TCOF1: variants seen among roughly 807,000 people sequenced by gnomAD.
The protein encoded by TCOF1 is treacle ribosome biogenesis factor 1.
A neutral mutation model predicts 149.0 loss-of-function variants in TCOF1; 33 were observed. The observed-to-expected ratio is 0.22, with a 90% CI of 0.17 to 0.30. The LOEUF is 0.30. TCOF1 is among the 10% of genes least tolerant of loss of function. The pLI, the probability that TCOF1 is intolerant of heterozygous loss-of-function variation, is 1.00. For synonymous variants in TCOF1, 789 were observed against 738.8 expected (o/e 1.07, Z -1.10); for missense variants, 1,728 against 1,840.7 (o/e 0.94, Z 1.12).
Position 150,376,093 on chromosome 5 carries a change from T to C in TCOF1, c.1905T>C (p.Ala635=). ...AAMTAAQAKP[A]LKIPQTKACP... ...TGGTGTCCCCTCAGGCAAAACCAGC[T>C]CTGAAAATTCCTCAGACCAAGGCCT... The change falls in exon 13 of 27, where the codon GCT becomes GCC. Residue 635 remains alanine (A), a synonymous_variant. Transcript: ENST00000643257. The C allele has an allele frequency of 6.2e-7, 1 of 1,614,206 alleles. No individual in the cohort carries two copies. The highest frequency in any genetic ancestry group is 8.5e-7 in the Non-Finnish European group (1 of 1,180,026).
chr5:150,374,515 C>T (rs1763267159), intron 8 of TCOF1, 102 bp from the exon 9 acceptor site: 1 of 1,580,140 alleles, frequency 6.3e-7, no homozygotes, highest in South Asian at 1.1e-5. Flanking sequence ...TCCCCTCTCA[C>T]TGTGTGGCAT....
At chr5:150,370,227 T>C (rs1453387810) in intron 6 of TCOF1, among the ~76,000 whole-genome samples, 3 of 152,290 alleles carry the variant, frequency 2.0e-5, no homozygotes, top group East Asian at 1.9e-4. Flanking sequence ...AGATATTTAA[T>C]TGGTGATGGC....
intron 24 of TCOF1, 66 bp downstream of exon 24, chr5:150,396,908 C>A: frequency 6.5e-7 from 1 of 1,527,458 alleles, no homozygotes; most frequent in South Asian, 1.2e-5. Context: ...CGGGAGGGAC[C>A]CTCAGCCAGC....
At chr5:150,365,982 A>G (rs1184101409) in intron 3 of TCOF1, among the ~76,000 whole-genome samples, 1 of 151,878 alleles carries the variant, frequency 6.6e-6, no homozygotes, top group African/African-American at 2.4e-5. Flanking sequence ...TTAGCCAGGC[A>G]TGGTGGCGTG....
intron 20 of TCOF1, 76 bp from the exon 21 acceptor site, chr5:150,391,881 A>G (rs1053358220): frequency 4.2e-6 from 6 of 1,429,750 alleles, no homozygotes; most frequent in Admixed American, 3.7e-5. Flanking sequence ...TCCTGGCCCT[A>G]CTGAAGTGTT....
At chr5:150,380,051 G>T in intron 17 of TCOF1, 1 of 351,566 alleles carries the variant, frequency 2.8e-6, no homozygotes, top group East Asian at 6.8e-5. Context: ...CAGCCTGGGT[G>T]ATGAGAGTGA....
chr5:150,382,739 T>C (rs901791027), intron 17 of TCOF1, among the ~76,000 whole-genome samples: 3 of 152,256 alleles, frequency 2.0e-5, no homozygotes, highest in African/African-American at 7.2e-5. Context: ...GGCTTGTGCC[T>C]GCAACCTTGT....
chr5:150,368,251 G>T, intron 4 of TCOF1: 1 of 392,612 alleles, frequency 2.5e-6, no homozygotes, highest in Non-Finnish European at 4.8e-6. Flanking sequence ...ACTGTGCTAG[G>T]TGTGGAGGCA....
At chr5:150,392,840 C>G in intron 22 of TCOF1, 50 bp downstream of exon 22, 1 of 1,587,190 alleles carries the variant, frequency 6.3e-7, no homozygotes, top group Non-Finnish European at 8.6e-7. Flanking sequence ...GGGTGGAGCC[C>G]CAGGCCAGGC....
chr5:150,386,467 G>A (rs1766326072), intron 17 of TCOF1, among the ~76,000 whole-genome samples: 1 of 152,192 alleles, frequency 6.6e-6, no homozygotes. Flanking sequence ...GCAGGGGTAG[G>A]AAAGGCCTAA....
intron 18 of TCOF1, among the ~76,000 whole-genome samples, chr5:150,388,372 GA>G (rs370341733): frequency 8.4e-4 from 128 of 152,292 alleles, no homozygotes; most frequent in African/African-American, 3.1e-3. Context: ...GTCTAAGAAA[GA>G]ATTCTGTATC....
chr5:150,398,599 G>A (rs2151136897), intron 25 of TCOF1, 148 bp downstream of exon 25: 2 of 1,283,570 alleles, frequency 1.6e-6, no homozygotes, highest in East Asian at 4.6e-5. Flanking sequence ...GAAGAGGCTG[G>A]CAGGGCATGT....
intron 24 of TCOF1, among the ~76,000 whole-genome samples, chr5:150,397,916 C>T (rs1768904663): frequency 6.6e-6 from 1 of 152,078 alleles, no homozygotes; most frequent in African/African-American, 2.4e-5. Context: ...ACCACAGCTG[C>T]CAGCCTGTTT....
chr5:150,374,991 C>T lies in TCOF1; in HGVS notation c.1316C>T (p.Ala439Val), dbSNP rs746580787. 1 of 1,613,910 alleles carries T rather than the reference C, an allele frequency of 6.2e-7. No individual in the cohort carries two copies. Among genetic ancestry groups the T allele is most frequent in the South Asian group, 1.1e-5 (1 of 91,084 alleles). Residue 439 changes from alanine (A) to valine (V), a missense_variant, in exon 10 of 27, where the codon GCC becomes GTC. Coordinates refer to ENST00000643257, the MANE Select transcript of TCOF1 (RefSeq NM_001371623.1). Reference sequence around the variant, plus strand: ...GGGAAGGCCCCCCAGGTCAGAGCCGCCTCGGCCCCTGCCAAGGAGTCCCCC... The same window carrying T: ...GGGAAGGCCCCCCAGGTCAGAGCCGTCTCGGCCCCTGCCAAGGAGTCCCCC... ...PSGKAPQVRA[A>V]SAPAKESPRK...
At chr5:150,371,005 T>C (rs1239358830) in intron 6 of TCOF1, among the ~76,000 whole-genome samples, 1 of 152,076 alleles carries the variant, frequency 6.6e-6, no homozygotes, top group East Asian at 1.9e-4. Flanking sequence ...GGCTGCAGCC[T>C]GGGTTGGAGG....
In TCOF1 at chr5:150,368,876, C is replaced by G; in HGVS notation, c.539C>G (p.Pro180Arg). 6.2e-7 allele frequency: 1 copy of G among 1,613,808 alleles called. No individual in the cohort carries two copies. The highest frequency in any genetic ancestry group is 8.5e-7 in the Non-Finnish European group (1 of 1,180,018). Residue 180 changes from proline to arginine, a missense_variant, in exon 5 of 27, where the codon CCG becomes CGG. By Grantham distance (103) the Pro-to-Arg change is moderately radical. Coordinates refer to ENST00000643257, the MANE Select transcript of TCOF1 (RefSeq NM_001371623.1). ...VSETEEEGSV[P>R]AFGAAAKPGM... ...GAAACTGAGGAGGAGGGCAGCGTCC[C>G]GGCCTTTGGAGCTGCTGCCAAGCCT... is the stretch of plus-strand genomic sequence containing the variant.
At position 150,397,294 on chromosome 5, in the gene TCOF1, T is replaced by A. The variant is rs146741177; in HGVS notation, c.4345+452T>A. On this transcript the variant is annotated intron_variant, in intron 24 of 26. Transcript: ENST00000643257. ...TCCAGAAGGACGAGGAGTCATGTCCTCTTTCCCCAAGCCCAGTGCAGCAGA... is the reference window on the plus strand; with the variant it reads ...TCCAGAAGGACGAGGAGTCATGTCCACTTTCCCCAAGCCCAGTGCAGCAGA... Among the ~76,000 whole-genome samples the A allele has an allele frequency of 1.4e-3, 218 of 152,048 alleles. 3 individuals carry two copies. In the East Asian group the frequency reaches 0.037, roughly 26 times the overall value.
At chr5:150,383,002 T>C in intron 17 of TCOF1, 1 of 1,365,670 alleles carries the variant, frequency 7.3e-7, no homozygotes, top group Non-Finnish European at 9.9e-7. Flanking sequence ...ACTGGCTGTT[T>C]CCCCCTCAGC....
chr5:150,376,188 G>C lies in TCOF1; in HGVS notation c.2000G>C (p.Arg667Pro), dbSNP rs146735293. 1.0e-4 allele frequency: 166 copies of C among 1,614,186 alleles called. No individual in the cohort carries two copies. In the South Asian group the frequency reaches 1.7e-3, roughly 16 times the overall value. Residue 667 changes from arginine to proline, a missense_variant, in exon 13 of 27, where the codon CGG becomes CCG. Arg to Pro is a moderately radical substitution (Grantham distance 103, BLOSUM62 -2). This residue lies in a region of TCOF1 where 1,696 missense variants were observed against 1,765.4 expected (regional missense o/e 0.96). Transcript: ENST00000643257. ...GTGCGAGTGGGCACCCAAGCCCCCC[G>C]GAAAGCAGGAACTGCGACTTCTCCA... The part of the protein sequence containing the change: ...APVRVGTQAP[R>P]KAGTATSPAG...
Sources: allele counts gnomAD v4.1 joint callset (sites outside exome capture counted in the v4.1 genomes callset), GRCh38; gene constraint gnomAD v4.1.1; regional missense constraint gnomAD v4.1.1; transcripts MANE v1.5; gene names NCBI Gene and HGNC (gene_info 2026-07-23, HGNC 2026-07-21).